RBFOX1: variants seen among roughly 807,000 people sequenced by gnomAD.
The protein encoded by RBFOX1 is RNA binding protein fox-1 homolog 1.
A neutral mutation model predicts 57.7 loss-of-function variants in RBFOX1; 8 were observed. That is an observed-to-expected ratio of 0.14 (90% CI 0.08 to 0.25). The LOEUF is 0.25. RBFOX1 is among the 10% of genes least tolerant of loss of function. The pLI is 1.00. For synonymous variants in RBFOX1, 326 were observed against 222.4 expected (o/e 1.47, Z -4.15); for missense variants, 611 against 548.5 (o/e 1.11, Z -1.14).
chr16:6,329,860 C>T (rs988549280), intron 2 of RBFOX1, among the ~76,000 whole-genome samples: 5 of 152,156 alleles, frequency 3.3e-5, no homozygotes, highest in Non-Finnish European at 7.4e-5. Flanking sequence ...ATCACTTGAA[C>T]CCAGGAGACA....
intron 1 of RBFOX1, among the ~76,000 whole-genome samples, chr16:5,252,387 GTTGT>G (rs1350806817): frequency 4.6e-5 from 7 of 152,208 alleles, no homozygotes; most frequent in South Asian, 2.1e-4. Context: ...AAAATGATTT[GTTGT>G]TTATCTGCAA....
intron 10 of RBFOX1, among the ~76,000 whole-genome samples, chr16:7,629,193 GA>G (rs1277495151): frequency 6.6e-6 from 1 of 152,262 alleles, no homozygotes; most frequent in Middle Eastern, 3.4e-3. Flanking sequence ...GGAGTTGTCA[GA>G]CCGGTAACAG....
intron 3 of RBFOX1, among the ~76,000 whole-genome samples, chr16:6,974,377 C>T (rs1358065736): frequency 3.3e-4 from 21 of 64,238 alleles, no homozygotes; most frequent in Admixed American, 1.4e-3. Flanking sequence ...TAGAGTCTTG[C>T]TTTGTTGCCC....
chr16:6,524,617 G>A (rs1007669505), intron 2 of RBFOX1, among the ~76,000 whole-genome samples: 2 of 152,058 alleles, frequency 1.3e-5, no homozygotes, highest in East Asian at 1.9e-4. Context: ...TTGTGTTCTG[G>A]GACTGCCATA....
At chr16:7,413,603 C>A (rs1249072608) in intron 4 of RBFOX1, among the ~76,000 whole-genome samples, 2 of 152,044 alleles carry the variant, frequency 1.3e-5, no homozygotes, top group Non-Finnish European at 1.5e-5. Context: ...CTGCCCCCTG[C>A]CTGCCCCTTT....
At chr16:6,708,223 G>A (rs1204962637) in intron 3 of RBFOX1, among the ~76,000 whole-genome samples, 1 of 151,806 alleles carries the variant, frequency 6.6e-6, no homozygotes, top group Non-Finnish European at 1.5e-5. Flanking sequence ...CTCCCTAAAT[G>A]GTCACTCTTA....
chr16:6,693,409 C>G (rs913962948), intron 3 of RBFOX1, among the ~76,000 whole-genome samples: 1 of 151,180 alleles, frequency 6.6e-6, no homozygotes, highest in Non-Finnish European at 1.5e-5. Context: ...CCATCCACTA[C>G]CATCACCACT....
chr16:6,846,487 T>G (rs1383887132), intron 3 of RBFOX1, among the ~76,000 whole-genome samples: 1 of 151,976 alleles, frequency 6.6e-6, no homozygotes, highest in African/African-American at 2.4e-5. Context: ...GAGAGAAAAA[T>G]AAGACCACAG....
chr16:5,976,566 A>G (rs760733075), intron 4 of RBFOX1, among the ~76,000 whole-genome samples: 6 of 152,158 alleles, frequency 3.9e-5, no homozygotes, highest in African/African-American at 9.7e-5. Flanking sequence ...CTATCCTGCC[A>G]TCCTTGAAAA....
At chr16:5,440,894 T>C (rs1433471426) in intron 1 of RBFOX1, among the ~76,000 whole-genome samples, 1 of 152,196 alleles carries the variant, frequency 6.6e-6, no homozygotes, top group Non-Finnish European at 1.5e-5. Flanking sequence ...AAAGGTTAAG[T>C]GATTTTCGAA....
At position 5,616,774 on chromosome 16, in the gene RBFOX1, T is replaced by A. The variant is rs1199042984; in HGVS notation, c.318+17813T>A. ...CCCTCTCCTGTCCCCCCTTCTCCCC[T>A]ATTTTCCTCCTCTTTCTCCTTCTCC... On this transcript the variant is annotated intron_variant, in intron 3 of 19. Coordinates refer to the RBFOX1 transcript ENST00000641259. Among the ~76,000 whole-genome samples, 6 of 132,372 alleles carry A rather than the reference T, an allele frequency of 4.5e-5. No individual in the cohort carries two copies. In the East Asian group the frequency reaches 1.3e-3, roughly 28 times the overall value. 86.8% of individuals were successfully genotyped at this position (132,372 alleles called of 152,430 possible).
chr16:7,208,541 A>G (rs2090457428), intron 4 of RBFOX1, among the ~76,000 whole-genome samples: 1 of 152,112 alleles, frequency 6.6e-6, no homozygotes. Context: ...GCTCTTTTTC[A>G]CAACCTGTTC....
At chr16:6,845,979 A>G (rs893065057) in intron 3 of RBFOX1, among the ~76,000 whole-genome samples, 1 of 152,194 alleles carries the variant, frequency 6.6e-6, no homozygotes, top group African/African-American at 2.4e-5. Flanking sequence ...TGATAAAATA[A>G]TGCATCAATG....
intron 4 of RBFOX1, among the ~76,000 whole-genome samples, chr16:7,143,044 A>G (rs1047195757): frequency 2.6e-5 from 4 of 151,840 alleles, no homozygotes; most frequent in African/African-American, 9.7e-5. Context: ...CATTAATACT[A>G]TTGTTTATGT....
At chr16:6,968,930 C>G in intron 3 of RBFOX1, among the ~76,000 whole-genome samples, 1 of 151,926 alleles carries the variant, frequency 6.6e-6, no homozygotes, top group East Asian at 1.9e-4. Context: ...AGGAAAGTTC[C>G]CAGTCCCACA....
At chr16:7,058,225 C>T (rs374702864) in intron 4 of RBFOX1, among the ~76,000 whole-genome samples, 8 of 152,118 alleles carry the variant, frequency 5.3e-5, no homozygotes, top group Admixed American at 3.3e-4. Flanking sequence ...TAGAAAGTTA[C>T]TCCCCTTTCC....
At chr16:7,709,519 A>T (rs1412953713) in intron 15 of RBFOX1, 1 of 1,530,634 alleles carries the variant, frequency 6.5e-7, no homozygotes, top group South Asian at 1.2e-5. Flanking sequence ...CCCAGCACAG[A>T]CTTCAGAGGA....
chr16:7,612,889 C>G (rs12923556), intron 10 of RBFOX1, among the ~76,000 whole-genome samples: 59,968 of 151,926 alleles, frequency 0.39, 13,901 homozygotes, highest in Non-Finnish European at 0.5. Context: ...ATCAGCGGGA[C>G]TATAAGGCAG....
intron 4 of RBFOX1, among the ~76,000 whole-genome samples, chr16:7,196,426 C>G (rs1471599151): frequency 2.6e-5 from 4 of 152,276 alleles, no homozygotes; most frequent in South Asian, 4.1e-4. Context: ...CAAGAAACAT[C>G]TTTCATTCAG....
Sources: gnomAD v4.1 joint callset for allele counts (sites outside exome capture counted in the v4.1 genomes callset) on GRCh38, gnomAD v4.1.1 for gene constraint, MANE v1.5 for transcripts, NCBI Gene and HGNC (gene_info 2026-07-23, HGNC 2026-07-21) for gene names.